ABR: variants seen among roughly 807,000 people sequenced by gnomAD.
ABR encodes the protein ABR activator of RhoGEF and GTPase, also known as active breakpoint cluster region-related protein.
A neutral mutation model predicts 107.2 loss-of-function variants in ABR; 35 were observed. The observed-to-expected ratio is 0.33, with a 90% CI of 0.25 to 0.43. The LOEUF is 0.43. Among genes scored for constraint, ABR ranks in the 20% least tolerant of loss-of-function variants. The pLI is 1.00. For synonymous variants in ABR, 498 were observed against 462.0 expected, an observed-to-expected ratio of 1.08 and a Z score of -1.00; for missense variants, 815 against 1,115.2, an observed-to-expected ratio of 0.73 and a Z score of 3.83.
chr17:1,217,344 A>G (rs2150752009), intron 1 of ABR, among the ~76,000 whole-genome samples: 1 of 152,250 alleles, frequency 6.6e-6, no homozygotes, highest in South Asian at 2.1e-4. Flanking sequence ...TAAGGTTATG[A>G]CCAGGCAACA....
chr17:1,137,080 A>G (rs1320320535), intron 1 of ABR, among the ~76,000 whole-genome samples: 2 of 146,898 alleles, frequency 1.4e-5, no homozygotes, highest in African/African-American at 5.0e-5. Context: ...GACAGTCTCT[A>G]TCACCCAGGC....
rs2035247868 is a variant in ABR at position 1,071,664 on chromosome 17, G to A, written c.894+950C>T. ...GGGCTCCCCGCAAGCCACTGCGTGT[G>A]CAGGCCGAGCTGAAGCAGCTCCAAG... On this transcript the variant is annotated intron_variant, in intron 8 of 22. Coordinates refer to ENST00000302538, the MANE Select transcript of ABR (RefSeq NM_021962.5). This position sits in a 1 kb window ranked among gnomAD's most constrained non-coding sequence, Gnocchi z 5.1. Among the ~76,000 whole-genome samples, 1 of 152,238 alleles carries A rather than the reference G, an allele frequency of 6.6e-6. No individual in the cohort carries two copies. The highest frequency in any genetic ancestry group is 6.5e-5 in the Admixed American group (1 of 15,282).
chr17:1,036,529 C>T lies in ABR; in HGVS notation c.1791+13521G>A, dbSNP rs761689409. On this transcript the variant is annotated intron_variant, in intron 16 of 22. Coordinates refer to ENST00000302538, the MANE Select transcript of ABR (RefSeq NM_021962.5). ...GTGCTGGAGGAGAGCAGGGCGGACCCGAGGCTTTGGGGGCTGCAGAGAGCC... is the reference window on the plus strand; with the variant it reads ...GTGCTGGAGGAGAGCAGGGCGGACCTGAGGCTTTGGGGGCTGCAGAGAGCC... Among the ~76,000 whole-genome samples, 242 of 151,906 alleles carry T rather than the reference C, an allele frequency of 1.6e-3. 3 individuals are homozygous for T. The highest frequency in any genetic ancestry group is 1.2e-3 in the Non-Finnish European group (82 of 67,976).
At chr17:1,012,094 G>C (rs546435824) in intron 18 of ABR, 109 bp from the exon 19 acceptor site, 1 of 1,555,158 alleles carries the variant, frequency 6.4e-7, no homozygotes, top group East Asian at 2.3e-5. Flanking sequence ...ATTTGGGATG[G>C]AGAGCTGGGG....
exon 1 of ABR, chr17:1,228,952 G>C (rs544499045): frequency 1.3e-5 from 2 of 151,334 alleles, no homozygotes; most frequent in African/African-American, 4.8e-5. Flanking sequence ...TCCGCGGCGA[G>C]GGGCGAGCCC....
intron 1 of ABR, among the ~76,000 whole-genome samples, chr17:1,205,682 C>T (rs1338840403): frequency 3.3e-5 from 5 of 152,214 alleles, no homozygotes. Context: ...CGGCGGCTCA[C>T]GCCTGTAATC....
At chr17:1,208,005 A>G (rs561526034) in intron 1 of ABR, among the ~76,000 whole-genome samples, 1 of 152,162 alleles carries the variant, frequency 6.6e-6, no homozygotes, top group East Asian at 1.9e-4. Flanking sequence ...TCCCGACCTC[A>G]GGTGATCCAC....
chr17:1,049,893 C>A (rs2032255235), intron 16 of ABR, 157 bp downstream of exon 16: 2 of 1,057,648 alleles, frequency 1.9e-6, no homozygotes, highest in South Asian at 1.6e-5. Flanking sequence ...CAGGCAGCCA[C>A]CTCTAGCAGG....
intron 16 of ABR, chr17:1,031,683 G>A: frequency 8.0e-7 from 1 of 1,255,994 alleles, no homozygotes; most frequent in Non-Finnish European, 1.0e-6. Context: ...CTCCTCCAGC[G>A]CCAGGGGTTC....
In ABR at chr17:1,159,432, G is replaced by T. The variant is rs62069448; in HGVS notation, c.61+20235C>A. On this transcript the variant is annotated intron_variant, in intron 1 of 22. Coordinates refer to ENST00000302538, the MANE Select transcript of ABR (RefSeq NM_021962.5). Reference sequence around the variant, plus strand: ...GAATGCGGTACTCACACACGGGAGAGGTAAGAATGCGGTACTCACACACAA... The same window carrying T: ...GAATGCGGTACTCACACACGGGAGATGTAAGAATGCGGTACTCACACACAA... 3.2e-4 allele frequency among the ~76,000 whole-genome samples: 11 copies of T among 34,026 alleles called. No individual in the cohort carries two copies. The East Asian group carries it at 9.9e-3, about 31-fold the overall frequency. 22.3% of individuals were successfully genotyped at this position (34,026 alleles called of 152,430 possible).
At chr17:1,128,100 G>A (rs567540738) in intron 1 of ABR, among the ~76,000 whole-genome samples, 3 of 152,212 alleles carry the variant, frequency 2.0e-5, no homozygotes, top group Non-Finnish European at 2.9e-5. Context: ...GCTGGTGGGC[G>A]GAGGCCCAGG....
chr17:1,102,941 C>T (rs1357760652), intron 2 of ABR, among the ~76,000 whole-genome samples: 1 of 152,106 alleles, frequency 6.6e-6, no homozygotes, highest in Non-Finnish European at 1.5e-5. Context: ...AACTCCTGAC[C>T]TCAGGTGATG....
chr17:1,012,947 G>A (rs184277768), intron 17 of ABR, 150 bp from the exon 18 acceptor site: 82 of 1,060,152 alleles, frequency 7.7e-5, no homozygotes, highest in East Asian at 2.3e-4. Context: ...GGACAGCAGC[G>A]GGCAGGGTGT....
At position 1,199,003 on chromosome 17, in the gene ABR, G is replaced by A. The variant is rs192321579; in HGVS notation, c.838+29790C>T. 1.3e-3 allele frequency among the ~76,000 whole-genome samples: 198 copies of A among 147,466 alleles called. 1 individual carries two copies. Among genetic ancestry groups the A allele is most frequent in the Non-Finnish European group, 2.5e-3 (165 of 67,282 alleles). On this transcript the variant is annotated intron_variant, in intron 1 of 22. Coordinates refer to the ABR transcript ENST00000574139. ...TGGGAGGCAGAGGTTGCAGTGAGCC[G>A]AGACGGTGCCATTGCACTCCAGCCT...
chr17:1,097,662 A>T (rs2037565392), intron 3 of ABR, among the ~76,000 whole-genome samples: 1 of 151,996 alleles, frequency 6.6e-6, no homozygotes, highest in Non-Finnish European at 1.5e-5. Flanking sequence ...TGAAAAGCAT[A>T]CTATTTGTAT....
intron 1 of ABR, among the ~76,000 whole-genome samples, chr17:1,197,103 C>T (rs76299360): frequency 0.056 from 8,447 of 151,522 alleles, 1,101 homozygotes; most frequent in African/African-American, 0.2. Flanking sequence ...TCCTGCAACG[C>T]TCCAGAGGGT....
At chr17:1,120,922 G>T (rs1188161842) in intron 2 of ABR, among the ~76,000 whole-genome samples, 3 of 152,210 alleles carry the variant, frequency 2.0e-5, no homozygotes, top group Non-Finnish European at 2.9e-5. Context: ...GCAGACAGAG[G>T]AGTCTGTGGC....
chr17:1,085,938 G>A (rs1411942211), intron 4 of ABR, among the ~76,000 whole-genome samples: 4 of 152,122 alleles, frequency 2.6e-5, no homozygotes, highest in Admixed American at 6.6e-5. Flanking sequence ...CCTAAGGTTG[G>A]CAGTTCGAGA....
At chr17:1,031,586 C>A (rs2072766455) in intron 16 of ABR, 2 of 1,194,184 alleles carry the variant, frequency 1.7e-6, no homozygotes, top group Non-Finnish European at 1.0e-6. Context: ...AACCTCCAGC[C>A]CCCGCGGGCA....
Sources: allele counts gnomAD v4.1 joint callset (sites outside exome capture counted in the v4.1 genomes callset), GRCh38; gene constraint gnomAD v4.1.1; non-coding constraint Gnocchi (gnomAD v3.1); transcripts MANE v1.5; gene names NCBI Gene and HGNC (gene_info 2026-07-23, HGNC 2026-07-21).